Variants in NFKB1 observed in about 807,000 individuals in gnomAD.
The protein encoded by NFKB1 is nuclear factor NF-kappa-B p105 subunit.
In NFKB1, 9 loss-of-function variants were observed where a neutral mutation model predicts 105.1. That is an observed-to-expected ratio of 0.09 (90% CI 0.05 to 0.15). NFKB1 has a LOEUF of 0.15. Ranked by LOEUF, NFKB1 falls within the 10% of genes least tolerant of loss-of-function variation. The pLI is 1.00. For synonymous variants in NFKB1, 440 were observed against 442.2 expected (o/e 1.00, Z 0.06); for missense variants, 830 against 1,203.7 (o/e 0.69, Z 4.59).
intron 1 of NFKB1, among the ~76,000 whole-genome samples, chr4:102,516,025 C>CT (rs1464726923): frequency 6.6e-6 from 1 of 151,578 alleles, no homozygotes; most frequent in South Asian, 2.1e-4. Flanking sequence ...CTGGACCAAT[C>CT]TTTTTTTTTC....
intron 5 of NFKB1, among the ~76,000 whole-genome samples, chr4:102,566,487 G>A (rs1723880608): frequency 6.6e-6 from 1 of 152,174 alleles, no homozygotes; most frequent in Non-Finnish European, 1.5e-5. Flanking sequence ...TCAGAACCAG[G>A]TCCCTGGCAA....
intron 5 of NFKB1, 52 bp downstream of exon 5, chr4:102,538,008 CT>C: frequency 8.7e-7 from 1 of 1,154,582 alleles, no homozygotes; most frequent in Non-Finnish European, 1.3e-6. Flanking sequence ...TTTTGATTTC[CT>C]ACGATTTCCA....
Position 102,517,043 on chromosome 4 carries a change from G to A in NFKB1, c.-7-8469G>A, listed in dbSNP as rs965842998. Reference sequence around the variant, plus strand: ...TTTAGCTCTTAGATGCCCAGAAACTGTTTTCTATTAGGTTTTGCAGGGTCT... The same window carrying A: ...TTTAGCTCTTAGATGCCCAGAAACTATTTTCTATTAGGTTTTGCAGGGTCT... On this transcript the variant is annotated intron_variant, in intron 1 of 23. Coordinates refer to ENST00000226574, the MANE Select transcript of NFKB1 (RefSeq NM_003998.4). Among the ~76,000 whole-genome samples the A allele has an allele frequency of 2.6e-5, 4 of 152,302 alleles. No homozygotes were observed. In the South Asian group the frequency reaches 8.3e-4, roughly 32 times the overall value.
intron 11 of NFKB1, among the ~76,000 whole-genome samples, chr4:102,591,027 G>GA (rs1001001981): frequency 6.6e-6 from 1 of 152,034 alleles, no homozygotes; most frequent in Non-Finnish European, 1.5e-5. Flanking sequence ...GGAGGCTGCA[G>GA]AAAAAAAGTT....
rs560055919 is a variant in NFKB1 at position 102,595,536 on chromosome 4, C to T, written c.1300+555C>T. Among the ~76,000 whole-genome samples the T allele has an allele frequency of 2.4e-4, 37 of 152,314 alleles. 1 individual carries two copies. Among genetic ancestry groups the T allele is most frequent in the Non-Finnish European group, 1.5e-4 (10 of 68,032 alleles). On this transcript the variant is annotated intron_variant, in intron 13 of 23. Transcript: ENST00000226574. ...TTTAACTGTTATCTTCATGACTGCT[C>T]TATATGGAAAATAGTAACTCCATTT...
chr4:102,519,345 AAT>A (rs1346361709), intron 1 of NFKB1, among the ~76,000 whole-genome samples: 4 of 147,742 alleles, frequency 2.7e-5, no homozygotes, highest in South Asian at 2.1e-4. Context: ...ATATATATAA[AAT>A]ATATAGTTTT....
At chr4:102,562,703 G>A (rs1350457686) in intron 5 of NFKB1, among the ~76,000 whole-genome samples, 10 of 152,122 alleles carry the variant, frequency 6.6e-5, no homozygotes, top group East Asian at 5.8e-4. Flanking sequence ...ATCTTTCCCC[G>A]TTGACACAGC....
At chr4:102,597,696 G>A (rs1726750604) in intron 15 of NFKB1, 35 bp downstream of exon 15, 2 of 1,592,858 alleles carry the variant, frequency 1.3e-6, no homozygotes, top group African/African-American at 2.7e-5. Flanking sequence ...GGTTGTCCTG[G>A]GTGGGGAAGA....
At position 102,503,054 on chromosome 4, in the gene NFKB1, G is replaced by C. The variant is rs535335457; in HGVS notation, c.-8+1266G>C. Among the ~76,000 whole-genome samples the C allele has an allele frequency of 2.0e-5, 3 of 152,202 alleles. No homozygotes were observed. The South Asian group carries it at 6.2e-4, about 31-fold the overall frequency. ...TAAAACTAAAGTATGTTGTTTTTCT[G>C]ATTTTAATATTGTGCTTTCTAGAGA... On this transcript the variant is annotated intron_variant, in intron 1 of 23. Coordinates refer to ENST00000226574, the MANE Select transcript of NFKB1 (RefSeq NM_003998.4).
intron 16 of NFKB1, among the ~76,000 whole-genome samples, chr4:102,601,341 T>C (rs989348967): frequency 6.6e-6 from 1 of 151,308 alleles, no homozygotes; most frequent in Non-Finnish European, 1.5e-5. Flanking sequence ...AAAATAAAGT[T>C]AAAAAAAGTT....
At chr4:102,521,320 T>C (rs72929582) in intron 1 of NFKB1, among the ~76,000 whole-genome samples, 1,729 of 152,306 alleles carry the variant, frequency 0.011, 31 homozygotes, top group African/African-American at 0.039. Flanking sequence ...ACATTCTTTA[T>C]CAGTTTATTA....
At chr4:102,534,103 GCAGTTAATTACAGTATTAGAATTA>G (rs1333006809) in intron 4 of NFKB1, among the ~76,000 whole-genome samples, 1 of 152,144 alleles carries the variant, frequency 6.6e-6, no homozygotes, top group African/African-American at 2.4e-5. Flanking sequence ...CTGTAAAACT[GCAGTTAATTACAGTATTAGAATTA>G]CAGTTAATTA....
chr4:102,513,921 C>A (rs1043979447), intron 1 of NFKB1, among the ~76,000 whole-genome samples: 1 of 151,958 alleles, frequency 6.6e-6, no homozygotes, highest in Admixed American at 6.6e-5. Flanking sequence ...CGGCTGTAAT[C>A]CTAGCACTTT....
chr4:102,566,867 T>A (rs1462499832), intron 5 of NFKB1, 120 bp from the exon 6 acceptor site: 1 of 941,594 alleles, frequency 1.1e-6, no homozygotes, highest in Admixed American at 2.2e-5. Context: ...TGTAATCATG[T>A]ATATACATAT....
chr4:102,612,401 A>G, intron 21 of NFKB1, 33 bp from the exon 22 acceptor site: 1 of 1,603,110 alleles, frequency 6.2e-7, no homozygotes, highest in Non-Finnish European at 8.5e-7. Context: ...ATGGCATGTT[A>G]GAACAAGTGT....
At chr4:102,612,371 T>C in intron 21 of NFKB1, 63 bp from the exon 22 acceptor site, 1 of 1,531,228 alleles carries the variant, frequency 6.5e-7, no homozygotes, top group Admixed American at 1.7e-5. Context: ...GCAGCAATGA[T>C]CAGTCCCTCC....
chr4:102,515,875 C>CT (rs1462943248), intron 1 of NFKB1, among the ~76,000 whole-genome samples: 1 of 152,182 alleles, frequency 6.6e-6, no homozygotes, highest in African/African-American at 2.4e-5. Flanking sequence ...GTCCAAGTGT[C>CT]TATCATTTCC....
rs1725254146 is a variant in NFKB1 at position 102,580,708 on chromosome 4, T to G, written c.835+69T>G. On this transcript the variant is annotated intron_variant, in intron 9 of 23. Coordinates refer to ENST00000226574, the MANE Select transcript of NFKB1 (RefSeq NM_003998.4). ...GACACACTACAGTTCTGAGTGTGTC[T>G]GTGAGTCACATTTCAGCAGTGGACA... The G allele has an allele frequency of 6.4e-6, 8 of 1,246,780 alleles. No homozygotes were observed. In the East Asian group the frequency reaches 1.9e-4, roughly 30 times the overall value. The allele number at this position is 1,246,780 out of a possible 1,614,324, so 77.2% of individuals were successfully genotyped here. A position where few individuals can be genotyped will look rare whatever the true frequency, so the allele number is the denominator to read the frequency against.
At chr4:102,582,778 G>A (rs915620217) in intron 9 of NFKB1, 88 bp from the exon 10 acceptor site, 1 of 801,904 alleles carries the variant, frequency 1.2e-6, no homozygotes, top group African/African-American at 1.7e-5. Context: ...ATAGTAGGTA[G>A]AATATTAAAC....
Sources: gnomAD v4.1 joint callset for allele counts (sites outside exome capture counted in the v4.1 genomes callset) on GRCh38, gnomAD v4.1.1 for gene constraint, MANE v1.5 for transcripts, NCBI Gene and HGNC (gene_info 2026-07-23, HGNC 2026-07-21) for gene names.